Variants in GPC6 observed in about 807,000 individuals in gnomAD.
GPC6 encodes glypican-6.
Under a neutral mutation model 55.2 loss-of-function variants are expected in GPC6, and 14 were observed. That is an observed-to-expected ratio of 0.25 (90% CI 0.17 to 0.40). The LOEUF is 0.40. Ranked by LOEUF, GPC6 falls within the 10% of genes least tolerant of loss-of-function variation. The probability of loss-of-function intolerance (pLI) is 1.00; values close to 1 mark genes in which losing one functional copy is unlikely to be tolerated. For missense variants in GPC6, 641 were observed against 708.5 expected (o/e 0.90, Z 1.08); for synonymous variants, 278 against 259.6 (o/e 1.07, Z -0.68).
rs182360998 is a variant in GPC6 at position 93,636,531 on chromosome 13, G to A, written c.319+91110G>A. Among the ~76,000 whole-genome samples the A allele has an allele frequency of 5.3e-5, 8 of 152,250 alleles. No homozygotes were observed. In the East Asian group the frequency reaches 1.5e-3, roughly 29 times the overall value. On this transcript the variant is annotated intron_variant, in intron 2 of 8. Transcript: ENST00000377047. ...TGTATTTCTACACTGCGTTGACATT[G>A]GACTTGTTTTGACCAAAGAAAAGTG...
intron 6 of GPC6, among the ~76,000 whole-genome samples, chr13:94,310,647 C>T (rs980337218): frequency 6.6e-6 from 1 of 152,156 alleles, no homozygotes; most frequent in Non-Finnish European, 1.5e-5. Flanking sequence ...GAAATTCCTC[C>T]TCCACTATCC....
chr13:93,629,119 A>C (rs989251104), intron 2 of GPC6, among the ~76,000 whole-genome samples: 2 of 151,930 alleles, frequency 1.3e-5, no homozygotes, highest in Admixed American at 1.3e-4. Flanking sequence ...ATGACTTTTT[A>C]AGGCCAGTTA....
intron 2 of GPC6, among the ~76,000 whole-genome samples, chr13:93,589,701 C>A (rs1877372554): frequency 6.6e-6 from 1 of 152,088 alleles, no homozygotes; most frequent in Admixed American, 6.6e-5. Context: ...GAAATGAGGC[C>A]ATTTGACCCT....
At chr13:94,199,095 G>T (rs1218385797) in intron 4 of GPC6, among the ~76,000 whole-genome samples, 1 of 152,174 alleles carries the variant, frequency 6.6e-6, no homozygotes, top group Non-Finnish European at 1.5e-5. Context: ...TTGTTGAAAA[G>T]CCTTTGTGCT....
At chr13:94,192,765 T>C (rs1889439706) in intron 4 of GPC6, among the ~76,000 whole-genome samples, 1 of 152,232 alleles carries the variant, frequency 6.6e-6, no homozygotes, top group Non-Finnish European at 1.5e-5. Flanking sequence ...AGAACATTAC[T>C]GCGCACCTCA....
At chr13:93,582,410 A>G (rs1005395919) in intron 2 of GPC6, among the ~76,000 whole-genome samples, 3 of 152,240 alleles carry the variant, frequency 2.0e-5, no homozygotes, top group African/African-American at 7.2e-5. Context: ...GGAAACTGGC[A>G]TAGTGCCACC....
intron 4 of GPC6, among the ~76,000 whole-genome samples, chr13:94,270,416 A>G (rs1594115754): frequency 6.6e-6 from 1 of 152,242 alleles, no homozygotes; most frequent in Admixed American, 6.5e-5. Flanking sequence ...GGATGCTTTC[A>G]TAGAATAATG....
chr13:93,329,528 A>G (rs1279320142), intron 1 of GPC6, among the ~76,000 whole-genome samples: 1 of 152,228 alleles, frequency 6.6e-6, no homozygotes, highest in South Asian at 2.1e-4. Context: ...GATAGCTAAT[A>G]GGGATTTATG....
chr13:93,873,911 C>G (rs1255291250), intron 3 of GPC6, among the ~76,000 whole-genome samples: 3 of 151,828 alleles, frequency 2.0e-5, no homozygotes, highest in African/African-American at 7.3e-5. Flanking sequence ...AGAATCTATC[C>G]CCAATGTGAG....
chr13:93,924,344 C>T (rs1199616825), intron 3 of GPC6, among the ~76,000 whole-genome samples: 1 of 152,240 alleles, frequency 6.6e-6, no homozygotes, highest in Non-Finnish European at 1.5e-5. Context: ...TGGCAACACG[C>T]AGCCTGCACA....
chr13:93,967,559 T>C (rs781722199), intron 3 of GPC6, among the ~76,000 whole-genome samples: 1 of 152,208 alleles, frequency 6.6e-6, no homozygotes, highest in Non-Finnish European at 1.5e-5. Flanking sequence ...TTGTGATTCC[T>C]GGTGCAACAA....
At chr13:94,203,435 T>C (rs1351680101) in intron 4 of GPC6, among the ~76,000 whole-genome samples, 1 of 152,082 alleles carries the variant, frequency 6.6e-6, no homozygotes, top group Non-Finnish European at 1.5e-5. Context: ...CACAATTACA[T>C]TATCTCAAAT....
At chr13:94,295,317 C>T (rs1196499855) in intron 5 of GPC6, among the ~76,000 whole-genome samples, 2 of 152,078 alleles carry the variant, frequency 1.3e-5, no homozygotes, top group African/African-American at 2.4e-5. Context: ...CAAAACCACT[C>T]CCAAAGGCTA....
chr13:93,770,532 T>A (rs975270619), intron 2 of GPC6, among the ~76,000 whole-genome samples: 9 of 152,182 alleles, frequency 5.9e-5, no homozygotes, highest in African/African-American at 2.2e-4. Flanking sequence ...GCTAGTGTGC[T>A]AACTGGACTT....
At chr13:94,250,435 C>T (rs189693111) in intron 4 of GPC6, among the ~76,000 whole-genome samples, 90 of 152,182 alleles carry the variant, frequency 5.9e-4, no homozygotes, top group Non-Finnish European at 1.1e-3. Flanking sequence ...AGCCAAAGAG[C>T]GGTTAAATAT....
intron 2 of GPC6, among the ~76,000 whole-genome samples, chr13:93,629,045 AAAAC>A (rs1162016426): frequency 8.4e-6 from 1 of 119,642 alleles, no homozygotes; most frequent in Non-Finnish European, 2.0e-5. Context: ...AGAAAAAAAA[AAAAC>A]AAAAAAAACT....
intron 1 of GPC6, among the ~76,000 whole-genome samples, chr13:93,319,146 C>T (rs987885608): frequency 3.9e-5 from 6 of 152,072 alleles, no homozygotes; most frequent in Non-Finnish European, 7.4e-5. Flanking sequence ...GAAACTGGCT[C>T]CAGAGGAAAG....
rs5805845 is a variant in GPC6 at position 94,067,478 on chromosome 13, GTCTC to G, written c.877+39606_877+39609del. Among the ~76,000 whole-genome samples, 121 of 144,610 alleles carry G rather than the reference GTCTC, an allele frequency of 8.4e-4. 1 individual carries two copies. In the South Asian group the frequency reaches 0.016, roughly 19 times the overall value. The allele number at this position is 144,610 out of a possible 152,430, so 94.9% of individuals were successfully genotyped here. ...AACATAGGCCTCTCTCTGTCTGTCT[GTCTC>G]TCTCTCTCTCTCTCTCTCTCTGTGT... On this transcript the variant is annotated intron_variant, in intron 4 of 8. Transcript: ENST00000377047.
intron 2 of GPC6, among the ~76,000 whole-genome samples, chr13:93,649,369 T>C (rs1185588800): frequency 1.3e-5 from 2 of 152,140 alleles, no homozygotes; most frequent in Non-Finnish European, 2.9e-5. Flanking sequence ...AGAGGATCGC[T>C]TGAGCCAAGG....
Sources: gnomAD v4.1 joint callset for allele counts (sites outside exome capture counted in the v4.1 genomes callset) on GRCh38, gnomAD v4.1.1 for gene constraint, MANE v1.5 for transcripts, NCBI Gene and HGNC (gene_info 2026-07-23, HGNC 2026-07-21) for gene names.